DLGAP1: variants seen among roughly 807,000 people sequenced by gnomAD.
DLGAP1 encodes disks large-associated protein 1.
A neutral mutation model predicts 90.8 loss-of-function variants in DLGAP1; 11 were observed. That is an observed-to-expected ratio of 0.12 (90% CI 0.08 to 0.20). The LOEUF is 0.20. Ranked by LOEUF, DLGAP1 falls within the 10% of genes least tolerant of loss-of-function variation. The pLI is 1.00. For missense variants in DLGAP1, 1,050 were observed against 1,333.8 expected (o/e 0.79, Z 3.31); for synonymous variants, 558 against 540.7 (o/e 1.03, Z -0.44).
intron 2 of DLGAP1, among the ~76,000 whole-genome samples, chr18:4,148,569 T>G (rs1027492396): frequency 6.6e-6 from 1 of 152,162 alleles, no homozygotes; most frequent in African/African-American, 2.4e-5. Flanking sequence ...TCAAATGAAC[T>G]GGGGCCCTTC....
intron 1 of DLGAP1, among the ~76,000 whole-genome samples, chr18:4,252,944 T>TTG (rs1295990596): frequency 2.0e-5 from 3 of 152,246 alleles, no homozygotes; most frequent in Non-Finnish European, 4.4e-5. Context: ...CACTTGGAGA[T>TTG]TGATCTTCCA....
At chr18:4,015,939 ACAAATAAT>A (rs964667231) in intron 2 of DLGAP1, among the ~76,000 whole-genome samples, 3 of 152,230 alleles carry the variant, frequency 2.0e-5, no homozygotes, top group Non-Finnish European at 4.4e-5. Context: ...ATAAAGGTAA[ACAAATAAT>A]ATTGTATAGA....
chr18:4,218,593 C>T (rs1013060632), intron 1 of DLGAP1, among the ~76,000 whole-genome samples: 2 of 151,680 alleles, frequency 1.3e-5, no homozygotes, highest in Admixed American at 6.6e-5. Context: ...AATTTTATAC[C>T]TTTTGACCAA....
At chr18:4,063,276 A>C (rs942307405) in intron 2 of DLGAP1, among the ~76,000 whole-genome samples, 2 of 152,090 alleles carry the variant, frequency 1.3e-5, no homozygotes, top group African/African-American at 4.8e-5. Flanking sequence ...AGTTTACTAC[A>C]ATCTATGAAG....
intron 1 of DLGAP1, among the ~76,000 whole-genome samples, chr18:4,212,319 C>A (rs542353476): frequency 6.6e-6 from 1 of 152,148 alleles, no homozygotes; most frequent in Admixed American, 6.6e-5. Context: ...CGCTTATTCC[C>A]AAACTGACAG....
At chr18:3,987,877 G>A (rs1360986051) in intron 3 of DLGAP1, among the ~76,000 whole-genome samples, 1 of 152,020 alleles carries the variant, frequency 6.6e-6, no homozygotes, top group Non-Finnish European at 1.5e-5. Context: ...CTTTCTCTGT[G>A]GCTTATACCA....
chr18:3,832,686 G>A (rs2068097051), intron 4 of DLGAP1, among the ~76,000 whole-genome samples: 1 of 149,130 alleles, frequency 6.7e-6, no homozygotes, highest in African/African-American at 2.5e-5. Flanking sequence ...TTTTTTCCCA[G>A]GAGGGAACAT....
In DLGAP1 at chr18:3,729,855, T is replaced by TCA. The variant is rs2062355930; in HGVS notation, c.1351-482_1351-481dup. Among the ~76,000 whole-genome samples the TCA allele has an allele frequency of 6.6e-6, 1 of 152,254 alleles. No homozygotes were observed. The highest frequency in any genetic ancestry group is 1.9e-4 in the East Asian group (1 of 5,192). ...TTGTCAGAGTTCATGTATTTTGGTA[T>TCA]CACTTTTTAGCACAAACATTTTAGA... is the stretch of plus-strand genomic sequence containing the variant. On this transcript the variant is annotated intron_variant, in intron 6 of 12. Coordinates refer to ENST00000315677, the MANE Select transcript of DLGAP1 (RefSeq NM_004746.4). The surrounding 1 kb of genome is among the most constrained non-coding windows in gnomAD (Gnocchi z 6.2).
chr18:4,321,309 CATT>C (rs1260029559), intron 1 of DLGAP1, among the ~76,000 whole-genome samples: 4 of 152,330 alleles, frequency 2.6e-5, no homozygotes, highest in South Asian at 2.1e-4. Flanking sequence ...GATACAGCAT[CATT>C]ATTATTTCAC....
chr18:4,282,643 G>C (rs969562308), intron 1 of DLGAP1, among the ~76,000 whole-genome samples: 9 of 152,148 alleles, frequency 5.9e-5, no homozygotes, highest in African/African-American at 1.9e-4. Context: ...AGAAGAGTTT[G>C]CCATAGAAGC....
intron 7 of DLGAP1, among the ~76,000 whole-genome samples, chr18:3,706,325 G>C (rs1175530488): frequency 6.6e-6 from 1 of 152,100 alleles, no homozygotes; most frequent in Non-Finnish European, 1.5e-5. Context: ...ACTCAGTTTG[G>C]AAGATACAAT....
intron 8 of DLGAP1, among the ~76,000 whole-genome samples, chr18:3,568,560 T>C (rs1331160252): frequency 1.3e-5 from 2 of 152,070 alleles, no homozygotes; most frequent in East Asian, 3.8e-4. Context: ...CAATGTAAGT[T>C]ATATAAAATT....
At chr18:4,108,556 A>G (rs7506267) in intron 2 of DLGAP1, among the ~76,000 whole-genome samples, 75,352 of 151,568 alleles carry the variant, frequency 0.5, 19,659 homozygotes, top group African/African-American at 0.65. Flanking sequence ...AAAACCAGTA[A>G]CATCTTGTAT....
chr18:4,072,431 T>G (rs1188301822), intron 2 of DLGAP1, among the ~76,000 whole-genome samples: 2 of 151,972 alleles, frequency 1.3e-5, no homozygotes, highest in Non-Finnish European at 2.9e-5. Context: ...ATTATCATCA[T>G]CATCATCATG....
At chr18:4,189,460 C>T (rs897422507) in intron 1 of DLGAP1, among the ~76,000 whole-genome samples, 1 of 152,082 alleles carries the variant, frequency 6.6e-6, no homozygotes, top group African/African-American at 2.4e-5. Flanking sequence ...CTACAAAGCT[C>T]TGATGAGAAA....
At chr18:4,432,945 T>G (rs901312152) in intron 1 of DLGAP1, among the ~76,000 whole-genome samples, 1 of 152,128 alleles carries the variant, frequency 6.6e-6, no homozygotes, top group Non-Finnish European at 1.5e-5. Flanking sequence ...AAACACTAAG[T>G]TATTTAACTA....
intron 3 of DLGAP1, among the ~76,000 whole-genome samples, chr18:3,894,193 G>A (rs538728039): frequency 6.6e-6 from 1 of 152,260 alleles, no homozygotes; most frequent in South Asian, 2.1e-4. Context: ...TTCTTTTGCT[G>A]TACAGAAGCT....
chr18:4,226,341 A>G (rs1336130417), intron 1 of DLGAP1, among the ~76,000 whole-genome samples: 1 of 152,146 alleles, frequency 6.6e-6, no homozygotes, highest in Non-Finnish European at 1.5e-5. Context: ...TTAATGACCA[A>G]TATCTGAAGG....
chr18:3,524,214 G>T (rs918729002), intron 10 of DLGAP1, among the ~76,000 whole-genome samples: 17 of 151,966 alleles, frequency 1.1e-4, no homozygotes, highest in Non-Finnish European at 2.1e-4. Context: ...AGTTAAGTCT[G>T]CAGTAAGCTA....
Sources: gnomAD v4.1 joint callset for allele counts (sites outside exome capture counted in the v4.1 genomes callset) on GRCh38, gnomAD v4.1.1 for gene constraint, Gnocchi (gnomAD v3.1) non-coding constraint, MANE v1.5 for transcripts, NCBI Gene and HGNC (gene_info 2026-07-23, HGNC 2026-07-21) for gene names.